ADRA1B: variants seen among roughly 807,000 people sequenced by gnomAD.
The protein encoded by ADRA1B is alpha-1B adrenergic receptor.
ADRA1B carries 17 observed loss-of-function variants against 17.9 expected under a neutral mutation model. The ratio of observed to expected loss-of-function variants is 0.95; its 90% CI spans 0.65 to 1.42. The LOEUF is 1.42. Ranked by LOEUF, ADRA1B falls within the 40% of genes most tolerant of loss-of-function variation. The pLI is 0.00. For missense variants in ADRA1B, 681 were observed against 722.1 expected (o/e 0.94, Z 0.65); for synonymous variants, 366 against 327.6 (o/e 1.12, Z -1.27).
At chr5:159,871,699 T>A (rs1753741569) in intron 1 of ADRA1B, among the ~76,000 whole-genome samples, 1 of 151,246 alleles carries the variant, frequency 6.6e-6, no homozygotes, top group Non-Finnish European at 1.5e-5. Context: ...GGTACTGGGG[T>A]GGTGGGGTGG....
At chr5:159,963,171 C>G (rs1367102791) in intron 1 of ADRA1B, among the ~76,000 whole-genome samples, 8 of 150,812 alleles carry the variant, frequency 5.3e-5, no homozygotes, top group Non-Finnish European at 1.2e-4. Flanking sequence ...AAGGAAAATT[C>G]ACCCATAATT....
At chr5:159,868,359 G>A (rs932492206) in intron 1 of ADRA1B, 24 of 152,144 alleles carry the variant, frequency 1.6e-4, no homozygotes, top group African/African-American at 5.8e-4. Context: ...GGGAGGGAAG[G>A]ATTCATTCTA....
chr5:159,871,121 G>A (rs1196740832), intron 1 of ADRA1B: 1 of 152,220 alleles, frequency 6.6e-6, no homozygotes, highest in Admixed American at 6.5e-5. Context: ...GCTGTCCCTA[G>A]CAGCTTAGCC....
At chr5:159,934,817 CA>C (rs111598190) in intron 1 of ADRA1B, among the ~76,000 whole-genome samples, 2,294 of 116,802 alleles carry the variant, frequency 0.02, 29 homozygotes, top group African/African-American at 0.042. Flanking sequence ...GACTCCATCT[CA>C]AAAAAAAAAA....
At chr5:159,908,661 G>C (rs1754192862) in intron 1 of ADRA1B, among the ~76,000 whole-genome samples, 1 of 152,116 alleles carries the variant, frequency 6.6e-6, no homozygotes, top group Non-Finnish European at 1.5e-5. Context: ...CCAGCTTCAT[G>C]TACTCCTTTA....
upstream of ADRA1B, among the ~76,000 whole-genome samples, chr5:159,912,762 C>T (rs185361943): frequency 1.2e-4 from 19 of 152,332 alleles, no homozygotes; most frequent in Admixed American, 2.6e-4. Context: ...AGAATTCCTC[C>T]GTTGCATTGT....
chr5:159,955,120 G>T (rs1328311716), intron 1 of ADRA1B: 2 of 984,584 alleles, frequency 2.0e-6, no homozygotes, highest in Non-Finnish European at 2.4e-6. Flanking sequence ...TAGCCTTCAG[G>T]ATACCGAAAG....
At chr5:159,910,283 A>G (rs1754215302) in intron 1 of ADRA1B, among the ~76,000 whole-genome samples, 1 of 152,170 alleles carries the variant, frequency 6.6e-6, no homozygotes, top group South Asian at 2.1e-4. Flanking sequence ...ACAGATGAAA[A>G]TAAAGAGGCT....
At chr5:159,926,676 C>T (rs1270255533) in intron 1 of ADRA1B, among the ~76,000 whole-genome samples, 2 of 151,978 alleles carry the variant, frequency 1.3e-5, no homozygotes, top group Admixed American at 6.6e-5. Flanking sequence ...CACTTGAGGT[C>T]GGGAGTTCGA....
intron 1 of ADRA1B, among the ~76,000 whole-genome samples, chr5:159,927,372 T>C (rs543859223): frequency 1.1e-3 from 91 of 84,630 alleles, no homozygotes; most frequent in Non-Finnish European, 1.8e-3. Flanking sequence ...AAATTATAAA[T>C]TAAAACATGC....
chr5:159,928,475 G>A (rs762143459), intron 1 of ADRA1B, among the ~76,000 whole-genome samples: 3 of 152,138 alleles, frequency 2.0e-5, no homozygotes, highest in South Asian at 2.1e-4. Context: ...TTGCACCAAC[G>A]AGCAGTTCAG....
intron 1 of ADRA1B, chr5:159,888,287 C>T (rs1326231833): frequency 6.6e-6 from 1 of 152,012 alleles, no homozygotes; most frequent in Non-Finnish European, 1.5e-5. Flanking sequence ...CACCTTAGAG[C>T]TTGGGAGGAC....
At chr5:159,935,529 G>A (rs1199760444) in intron 1 of ADRA1B, among the ~76,000 whole-genome samples, 1 of 151,334 alleles carries the variant, frequency 6.6e-6, no homozygotes, top group Non-Finnish European at 1.5e-5. Context: ...GTCTGTGATC[G>A]AATGGACTTT....
intron 1 of ADRA1B, among the ~76,000 whole-genome samples, chr5:159,964,442 T>G (rs148094365): frequency 5.9e-5 from 9 of 152,230 alleles, no homozygotes; most frequent in Non-Finnish European, 1.0e-4. Flanking sequence ...TTATTTATAG[T>G]AAATGATGCA....
intron 1 of ADRA1B, among the ~76,000 whole-genome samples, chr5:159,890,088 C>T (rs77138514): frequency 2.6e-5 from 4 of 152,252 alleles, no homozygotes; most frequent in Middle Eastern, 3.4e-3. Flanking sequence ...CCTTGGGCAA[C>T]GGGTGCTTGC....
At chr5:159,885,495 T>C (rs1753913835) in intron 1 of ADRA1B, among the ~76,000 whole-genome samples, 1 of 152,212 alleles carries the variant, frequency 6.6e-6, no homozygotes, top group Non-Finnish European at 1.5e-5. Flanking sequence ...TCATTTCAAA[T>C]AGAGAGTCTC....
At chr5:159,983,453 C>T in the ADRA1B span, among the ~76,000 whole-genome samples, 1 of 152,216 alleles carries the variant, frequency 6.6e-6, no homozygotes, top group African/African-American at 2.4e-5. Context: ...CTCTCACTCT[C>T]ATTACTAAGG....
At chr5:159,971,378 C>A (rs1235261298) in intron 1 of ADRA1B, among the ~76,000 whole-genome samples, 3 of 152,166 alleles carry the variant, frequency 2.0e-5, no homozygotes, top group South Asian at 2.1e-4. Context: ...AAAAAATAGT[C>A]TTTTATGTTG....
intron 1 of ADRA1B, among the ~76,000 whole-genome samples, chr5:159,925,637 G>A (rs577678429): frequency 3.8e-4 from 58 of 152,198 alleles, no homozygotes; most frequent in Admixed American, 9.8e-4. Context: ...TCTAGAAGCC[G>A]TTTTTTCACT....
Sources: allele counts gnomAD v4.1 joint callset (sites outside exome capture counted in the v4.1 genomes callset), GRCh38; gene constraint gnomAD v4.1.1; transcripts MANE v1.5; gene names NCBI Gene and HGNC (gene_info 2026-07-23, HGNC 2026-07-21).